The following CFAP54 variants were observed in gnomAD, a reference collection of about 807,000 sequenced individuals.
The protein encoded by CFAP54 is cilia- and flagella-associated protein 54.
Under a neutral mutation model 370.4 loss-of-function variants are expected in CFAP54, and 290 were observed. That is an observed-to-expected ratio of 0.78 (90% confidence interval 0.71 to 0.86). The LOEUF (loss-of-function observed/expected upper bound fraction) is 0.86, where lower values mean the gene tolerates loss of function less well. CFAP54 is among the 40% of genes least tolerant of loss of function. The pLI is 0.00. For synonymous variants in CFAP54, 1,206 were observed against 1,236.5 expected (o/e 0.98, Z 0.52); for missense variants, 3,399 against 3,528.7 (o/e 0.96, Z 0.93).
At chr12:96,709,024 A>G (rs1957579350) in intron 48 of CFAP54, among the ~76,000 whole-genome samples, 1 of 152,234 alleles carries the variant, frequency 6.6e-6, no homozygotes, top group African/African-American at 2.4e-5. Context: ...ATACACTATC[A>G]TATGTATACA....
In CFAP54 at chr12:96,721,960, C is replaced by T. The variant is rs75321862; in HGVS notation, c.6965+1395C>T. Reference sequence around the variant, plus strand: ...CGTGTGGTTGTAATAAGTGTGACTCCATTTTGATGTTCAATGGCTGACAGC... The same window carrying T: ...CGTGTGGTTGTAATAAGTGTGACTCTATTTTGATGTTCAATGGCTGACAGC... On this transcript the variant is annotated intron_variant, in intron 50 of 67. Transcript: ENST00000524981. 3.7e-3 allele frequency among the ~76,000 whole-genome samples: 558 copies of T among 152,232 alleles called. 2 individuals carry two copies. The highest frequency in any genetic ancestry group is 6.5e-3 in the Non-Finnish European group (444 of 68,020).
chr12:96,508,898 A>T (rs547579930), intron 4 of CFAP54, among the ~76,000 whole-genome samples: 1 of 152,100 alleles, frequency 6.6e-6, no homozygotes, highest in Admixed American at 6.5e-5. Context: ...ATATCCTTAC[A>T]CATGTCCTTT....
Position 96,750,673 on chromosome 12 carries a change from T to C in CFAP54, c.7685-3070T>C, listed in dbSNP as rs55666129. Among the ~76,000 whole-genome samples the C allele has an allele frequency of 2.2e-3, 331 of 152,344 alleles. 1 individual carries two copies. Among genetic ancestry groups the C allele is most frequent in the Non-Finnish European group, 3.8e-3 (257 of 68,032 alleles). On this transcript the variant is annotated intron_variant, in intron 55 of 67. Coordinates refer to ENST00000524981, the MANE Select transcript of CFAP54 (RefSeq NM_001306084.2). ...GCTTAAAATACAGATTGTGTTAAAT[T>C]GTACAGATTGTGTTAAATCAAATAT...
chr12:96,829,118 A>G (rs1258030782), intron 66 of CFAP54, 30 bp downstream of exon 66: 2 of 1,237,606 alleles, frequency 1.6e-6, no homozygotes, highest in African/African-American at 1.5e-5. Flanking sequence ...AATTGTATCT[A>G]ATTCACTCAC....
At position 96,736,968 on chromosome 12, in the gene CFAP54, T is replaced by C. The variant is rs150531026; in HGVS notation, c.6966-2988T>C. ...TGAACCTGGCTCCTCTTTCTAGCTG[T>C]GTGACTTGGATCAAGTTATTTAACA... On this transcript the variant is annotated intron_variant, in intron 50 of 67. Transcript: ENST00000524981. 1.4e-3 allele frequency among the ~76,000 whole-genome samples: 206 copies of C among 152,350 alleles called. 3 individuals carry two copies. Among genetic ancestry groups the C allele is most frequent in the African/African-American group, 4.8e-3 (199 of 41,586 alleles).
At chr12:96,830,347 T>G (rs1959166989) in intron 66 of CFAP54, among the ~76,000 whole-genome samples, 1 of 152,198 alleles carries the variant, frequency 6.6e-6, no homozygotes, top group Admixed American at 6.5e-5. Context: ...TTTCTCTGCA[T>G]TCTCTCCAAG....
intron 38 of CFAP54, among the ~76,000 whole-genome samples, chr12:96,660,573 A>C (rs1280698868): frequency 6.6e-6 from 1 of 152,200 alleles, no homozygotes; most frequent in Non-Finnish European, 1.5e-5. Context: ...AGTCTATCTT[A>C]TCTCTGGAGG....
At position 96,593,065 on chromosome 12, in the gene CFAP54, CT is replaced by C. The variant is rs151240828; in HGVS notation, c.3360+432del. 8.4e-3 allele frequency among the ~76,000 whole-genome samples: 1,276 copies of C among 152,226 alleles called. 10 individuals are homozygous for C. Among genetic ancestry groups the C allele is most frequent in the Middle Eastern group, 0.037 (11 of 294 alleles). On this transcript the variant is annotated intron_variant, in intron 24 of 67. Coordinates refer to ENST00000524981, the MANE Select transcript of CFAP54 (RefSeq NM_001306084.2). ...TATTCTGCAACTTGCCTTTTTAACA[CT>C]TTTATAATCTATCTTGCACATATTT...
intron 48 of CFAP54, among the ~76,000 whole-genome samples, chr12:96,715,140 T>C (rs1034777302): frequency 2.6e-5 from 4 of 152,028 alleles, no homozygotes; most frequent in African/African-American, 9.7e-5. Context: ...TGTTGGAGAT[T>C]TAAGGAGAGA....
In CFAP54 at chr12:96,817,663, A is replaced by C. The variant is rs11829110; in HGVS notation, c.8958-112A>C. 2,222 of 460,898 alleles carry C rather than the reference A, an allele frequency of 4.8e-3. 50 individuals carry two copies. Among genetic ancestry groups the C allele is most frequent in the African/African-American group, 0.041 (2,023 of 49,380 alleles). 28.6% of individuals were successfully genotyped at this position (460,898 alleles called of 1,614,324 possible). On this transcript the variant is annotated intron_variant, in intron 64 of 67. Coordinates refer to ENST00000524981, the MANE Select transcript of CFAP54 (RefSeq NM_001306084.2). ...TATCAATCTCCTGACCTCGTGATCC[A>C]CCCGCCTCGGCCTCCCAAAGTGCTG...
At chr12:96,585,959 C>T (rs1464592357) in intron 22 of CFAP54, among the ~76,000 whole-genome samples, 1 of 152,160 alleles carries the variant, frequency 6.6e-6, no homozygotes, top group Non-Finnish European at 1.5e-5. Flanking sequence ...GGGGGCCCAT[C>T]TTGCTTTGCA....
intron 62 of CFAP54, among the ~76,000 whole-genome samples, chr12:96,787,765 G>A (rs1958642829): frequency 6.6e-6 from 1 of 152,038 alleles, no homozygotes; most frequent in East Asian, 1.9e-4. Context: ...ACAGAAGAAA[G>A]TTACTTTATT....
Position 96,829,083 on chromosome 12 carries a change from T to G in CFAP54, c.9166T>G (p.Ser3056Ala), listed in dbSNP as rs1431696845. The G allele has an allele frequency of 2.7e-6, 4 of 1,493,856 alleles. No individual in the cohort carries two copies. In the Admixed American group the frequency reaches 7.9e-5, roughly 30 times the overall value. 92.5% of individuals were successfully genotyped at this position (1,493,856 alleles called of 1,614,324 possible). ...GAATGATAAAGAGCCAACACCACTA[T>G]CTGAGGTATGTATTTCTCCTTTAAA... is the stretch of plus-strand genomic sequence containing the variant. Reference protein sequence around the residue: ...FLNDKEPTPLSEVPFDISLPS... With the variant: ...FLNDKEPTPLAEVPFDISLPS... The change falls in exon 66 of 68, where the codon TCT becomes GCT. Residue 3056 changes from serine (S) to alanine (A), a missense_variant. By Grantham distance (99) the Ser-to-Ala change is moderately conservative. This residue lies in a region of CFAP54 where 2,796 missense variants were observed against 2,869.7 expected (regional missense o/e 0.97). Transcript: ENST00000524981.
intron 14 of CFAP54, among the ~76,000 whole-genome samples, chr12:96,541,835 CCT>C (rs1409469572): frequency 6.6e-6 from 1 of 151,998 alleles, no homozygotes; most frequent in Non-Finnish European, 1.5e-5. Context: ...TTTCTCCTCC[CCT>C]TTCTCTTTTT....
intron 58 of CFAP54, among the ~76,000 whole-genome samples, chr12:96,757,943 A>G (rs1383465830): frequency 1.3e-5 from 2 of 152,230 alleles, no homozygotes; most frequent in African/African-American, 4.8e-5. Context: ...AATTCAAGAA[A>G]TGACATATTG....
intron 39 of CFAP54, among the ~76,000 whole-genome samples, chr12:96,664,555 C>T (rs1431435829): frequency 6.6e-6 from 1 of 150,634 alleles, no homozygotes; most frequent in East Asian, 1.9e-4. Context: ...AGGTTCATTC[C>T]ACTTCTTTGC....
Position 96,647,944 on chromosome 12 carries a change from G to T in CFAP54, c.4617G>T (p.Leu1539Phe). 6.6e-7 allele frequency: 1 copy of T among 1,522,294 alleles called. No homozygotes were observed. The highest frequency in any genetic ancestry group is 1.4e-5 in the African/African-American group (1 of 72,338). 94.3% of individuals were successfully genotyped at this position (1,522,294 alleles called of 1,614,324 possible). ...NSGTVLPTRK[L>F]TVENYKAMLD... The stretch of plus-strand genomic sequence containing the variant: ...GAACAGTATTACCAACAAGAAAATT[G>T]ACTGTAGAAAATTATAAAGCAATGC... Residue 1539 changes from leucine to phenylalanine, a missense_variant, in exon 34 of 68, where the codon TTG becomes TTT. By Grantham distance (22) the Leu-to-Phe change is conservative. This residue lies in a region of CFAP54 where 2,796 missense variants were observed against 2,869.7 expected (regional missense o/e 0.97). Transcript: ENST00000524981.
At chr12:96,611,109 C>G (rs957545836) in intron 26 of CFAP54, among the ~76,000 whole-genome samples, 4 of 152,232 alleles carry the variant, frequency 2.6e-5, no homozygotes, top group South Asian at 2.1e-4. Context: ...TCCGTGACCC[C>G]TGAGTAGCCT....
At chr12:96,634,382 T>G (rs888421835) in intron 32 of CFAP54, among the ~76,000 whole-genome samples, 2 of 152,142 alleles carry the variant, frequency 1.3e-5, no homozygotes, top group Admixed American at 6.6e-5. Flanking sequence ...TTACTTGCCA[T>G]CTGTATATCC....
Sources: allele counts gnomAD v4.1 joint callset (sites outside exome capture counted in the v4.1 genomes callset), GRCh38; gene constraint gnomAD v4.1.1; regional missense constraint gnomAD v4.1.1; transcripts MANE v1.5; gene names NCBI Gene and HGNC (gene_info 2026-07-23, HGNC 2026-07-21).